NDFIP2: variants seen among roughly 807,000 people sequenced by gnomAD.
NDFIP2 encodes NEDD4 family-interacting protein 2.
Under a neutral mutation model 36.0 loss-of-function variants are expected in NDFIP2, and 19 were observed. The ratio of observed to expected loss-of-function variants is 0.53; its 90% CI spans 0.37 to 0.77. The LOEUF (loss-of-function observed/expected upper bound fraction) is 0.77, where lower values mean the gene tolerates loss of function less well. NDFIP2 is among the 30% of genes least tolerant of loss of function. NDFIP2 has a pLI of 0.00. For missense variants in NDFIP2, 446 were observed against 435.8 expected, an observed-to-expected ratio of 1.02 and a Z score of -0.21; for synonymous variants, 181 against 167.7, an observed-to-expected ratio of 1.08 and a Z score of -0.61.
rs574462012 is a variant in NDFIP2, at chr13:79,489,981, CT to C, written c.321+8459del. On this transcript the variant is annotated intron_variant, in intron 1 of 7. Transcript: ENST00000218652. ...AAGTCAATCTCCCCTTTCTGTAGACCTTGTTTTTGTATAGGTCTGTGGACCC... is the reference window on the plus strand; with the variant it reads ...AAGTCAATCTCCCCTTTCTGTAGACCTGTTTTTGTATAGGTCTGTGGACCC... Among the ~76,000 whole-genome samples, 16 of 152,258 alleles carry C rather than the reference CT, an allele frequency of 1.1e-4. No homozygotes were observed. In the South Asian group the frequency reaches 3.3e-3, roughly 32 times the overall value.
intron 1 of NDFIP2, among the ~76,000 whole-genome samples, chr13:79,512,465 C>T (rs1211871959): frequency 1.3e-5 from 2 of 151,348 alleles, no homozygotes; most frequent in African/African-American, 4.9e-5. Flanking sequence ...AAAAAAAAGG[C>T]TTTATTGCAA....
chr13:79,529,850 TG>T (rs1175489519), intron 2 of NDFIP2, among the ~76,000 whole-genome samples: 17 of 152,372 alleles, frequency 1.1e-4, no homozygotes, highest in Admixed American at 1.0e-3. Context: ...GAAATATTGC[TG>T]GTTCATTTTC....
chr13:79,553,787 T>C lies in NDFIP2; in HGVS notation c.*1274T>C, dbSNP rs1223552381. The C allele has an allele frequency of 3.3e-5, 5 of 152,062 alleles. No individual in the cohort carries two copies. The highest frequency in any genetic ancestry group is 7.4e-5 in the Non-Finnish European group (5 of 67,572). 9.4% of individuals were successfully genotyped at this position (152,062 alleles called of 1,614,324 possible). On this transcript the variant is annotated 3_prime_UTR_variant, in exon 8 of 8. Transcript: ENST00000218652. Reference sequence around the variant, plus strand: ...CATTCATAAACTACTATATTTCCCATCTTGCAAATCATTTTATGTCTCATC... The same window carrying C: ...CATTCATAAACTACTATATTTCCCACCTTGCAAATCATTTTATGTCTCATC...
chr13:79,533,222 G>T, intron 2 of NDFIP2, 101 bp from the exon 3 acceptor site: 1 of 938,572 alleles, frequency 1.1e-6, no homozygotes, highest in Non-Finnish European at 1.6e-6. Context: ...AATAGCAATA[G>T]TAGTCCTGTA....
At chr13:79,516,939 A>T (rs944907065) in intron 1 of NDFIP2, among the ~76,000 whole-genome samples, 5 of 152,238 alleles carry the variant, frequency 3.3e-5, no homozygotes, top group African/African-American at 1.2e-4. Flanking sequence ...TATATAGGAT[A>T]CATGCCAATA....
chr13:79,532,977 A>C (rs1401537744), intron 2 of NDFIP2, among the ~76,000 whole-genome samples: 1 of 152,132 alleles, frequency 6.6e-6, no homozygotes, highest in African/African-American at 2.4e-5. Flanking sequence ...GGGCAAGTAA[A>C]CTAAGTTCTT....
intron 5 of NDFIP2, among the ~76,000 whole-genome samples, chr13:79,547,333 T>A (rs1044237343): frequency 2.0e-5 from 3 of 152,160 alleles, no homozygotes; most frequent in African/African-American, 7.2e-5. Context: ...TTTTAGTTAG[T>A]ATTAGATTTG....
At chr13:79,545,484 T>G (rs541039313) in intron 5 of NDFIP2, among the ~76,000 whole-genome samples, 1 of 152,210 alleles carries the variant, frequency 6.6e-6, no homozygotes, top group African/African-American at 2.4e-5. Context: ...TAAAATACTT[T>G]TACTGAGTTA....
chr13:79,540,962 T>C (rs957055464), intron 4 of NDFIP2, among the ~76,000 whole-genome samples: 1 of 152,258 alleles, frequency 6.6e-6, no homozygotes, highest in Non-Finnish European at 1.5e-5. Flanking sequence ...AAATGAGTGC[T>C]GTTTTGTAAT....
intron 5 of NDFIP2, among the ~76,000 whole-genome samples, chr13:79,548,116 AT>A (rs913032366): frequency 4.7e-5 from 7 of 148,866 alleles, no homozygotes; most frequent in South Asian, 2.1e-4. Context: ...AAATACTCCA[AT>A]TTTTTTTTTG....
intron 2 of NDFIP2, among the ~76,000 whole-genome samples, chr13:79,529,911 T>G (rs922329381): frequency 6.6e-6 from 1 of 152,216 alleles, no homozygotes. Flanking sequence ...CATATGAATT[T>G]TTTGGTTTCC....
intron 1 of NDFIP2, among the ~76,000 whole-genome samples, chr13:79,495,802 T>G (rs1873413791): frequency 6.6e-6 from 1 of 151,946 alleles, no homozygotes; most frequent in Non-Finnish European, 1.5e-5. Flanking sequence ...GATCATTTGA[T>G]TTATGAAAAA....
chr13:79,493,827 A>T (rs1229940143), intron 1 of NDFIP2, among the ~76,000 whole-genome samples: 1 of 152,040 alleles, frequency 6.6e-6, no homozygotes, highest in Non-Finnish European at 1.5e-5. Flanking sequence ...TAGCACTCAC[A>T]CCTCGGTAAT....
chr13:79,490,825 C>G lies in NDFIP2; in HGVS notation c.321+9301C>G, dbSNP rs868681063. Among the ~76,000 whole-genome samples, 26 of 152,278 alleles carry G rather than the reference C, an allele frequency of 1.7e-4. 1 individual carries two copies. Among genetic ancestry groups the G allele is most frequent in the Middle Eastern group, 6.8e-3 (2 of 294 alleles). Reference sequence around the variant, plus strand: ...GAGGTTGTTTTGCATCCCTTACTTGCACCTGATAATCAGCCAAGCACCTAG... The same window carrying G: ...GAGGTTGTTTTGCATCCCTTACTTGGACCTGATAATCAGCCAAGCACCTAG... On this transcript the variant is annotated intron_variant, in intron 1 of 7. Transcript: ENST00000218652.
intron 3 of NDFIP2, among the ~76,000 whole-genome samples, chr13:79,538,947 C>T (rs1875352591): frequency 6.6e-6 from 1 of 152,142 alleles, no homozygotes; most frequent in African/African-American, 2.4e-5. Flanking sequence ...GCTTCCCAGG[C>T]CTTGGGTAGC....
chr13:79,541,980 A>G (rs74620370), intron 4 of NDFIP2, among the ~76,000 whole-genome samples: 6,214 of 152,254 alleles, frequency 0.041, 405 homozygotes, highest in African/African-American at 0.14. Flanking sequence ...TTGCTTCTCA[A>G]AATCCTTTTA....
chr13:79,535,395 A>G (rs950209751), intron 3 of NDFIP2, among the ~76,000 whole-genome samples: 32 of 152,270 alleles, frequency 2.1e-4, no homozygotes, highest in Admixed American at 1.2e-3. Context: ...TTGAAGAGAA[A>G]AGTCTGAAGT....
At position 79,554,588 on chromosome 13, in the gene NDFIP2, T is replaced by C. The variant is rs1876036131; in HGVS notation, c.*2075T>C. On this transcript the variant is annotated 3_prime_UTR_variant, in exon 8 of 8. Transcript: ENST00000218652. ...TACATATTACTGAATCCTCTATAAT[T>C]GGCATAATTCAATGGTAGCCTTAAA... The C allele has an allele frequency of 6.6e-6, 1 of 151,890 alleles. No homozygotes were observed. The highest frequency in any genetic ancestry group is 2.1e-4 in the South Asian group (1 of 4,838). The allele number at this position is 151,890 out of a possible 1,614,324, so 9.4% of individuals were successfully genotyped here. A position where few individuals can be genotyped will look rare whatever the true frequency, so the allele number is the denominator to read the frequency against.
chr13:79,506,046 A>G (rs1377020163), intron 1 of NDFIP2, among the ~76,000 whole-genome samples: 1 of 152,186 alleles, frequency 6.6e-6, no homozygotes, highest in Non-Finnish European at 1.5e-5. Context: ...TCTAACAAAT[A>G]TGAGTTTTCT....
Sources: gnomAD v4.1 joint callset for allele counts (sites outside exome capture counted in the v4.1 genomes callset) on GRCh38, gnomAD v4.1.1 for gene constraint, MANE v1.5 for transcripts, NCBI Gene and HGNC (gene_info 2026-07-23, HGNC 2026-07-21) for gene names.